Variants in ANO6 observed in about 807,000 individuals in gnomAD.
The protein encoded by ANO6 is anoctamin-6.
Under a neutral mutation model 117.5 loss-of-function variants are expected in ANO6, and 106 were observed. The ratio of observed to expected loss-of-function variants is 0.90; its 90% CI spans 0.77 to 1.06. ANO6 has a LOEUF of 1.06. Among genes scored for constraint, ANO6 ranks in the 50% least tolerant of loss-of-function variants. ANO6 has a pLI of 0.00. For synonymous variants in ANO6, 367 were observed against 385.1 expected (o/e 0.95, Z 0.55); for missense variants, 955 against 1,121.1 (o/e 0.85, Z 2.12).
At chr12:45,327,719 T>C (rs1940518249) in intron 2 of ANO6, among the ~76,000 whole-genome samples, 1 of 152,174 alleles carries the variant, frequency 6.6e-6, no homozygotes, top group Admixed American at 6.6e-5. Context: ...AAGGATGTAC[T>C]CCAAAATTTT....
chr12:45,315,660 T>G (rs955899184), intron 2 of ANO6, among the ~76,000 whole-genome samples: 1 of 152,048 alleles, frequency 6.6e-6, no homozygotes, highest in African/African-American at 2.4e-5. Context: ...TATCCTTTTC[T>G]TAAATCTTTT....
chr12:45,259,149 C>T (rs1237070167), intron 1 of ANO6, among the ~76,000 whole-genome samples: 1 of 152,168 alleles, frequency 6.6e-6, no homozygotes, highest in African/African-American at 2.4e-5. Flanking sequence ...GGAACAAAGG[C>T]AGGATGTTGG....
intron 1 of ANO6, among the ~76,000 whole-genome samples, chr12:45,269,476 G>GT (rs986671255): frequency 2.4e-4 from 37 of 152,332 alleles, no homozygotes; most frequent in African/African-American, 8.7e-4. Flanking sequence ...TGGACATGCT[G>GT]TGTGTATGGG....
At chr12:45,236,642 G>A (rs1947649866) in intron 1 of ANO6, among the ~76,000 whole-genome samples, 1 of 152,164 alleles carries the variant, frequency 6.6e-6, no homozygotes, top group Non-Finnish European at 1.5e-5. Context: ...TGGACATTTG[G>A]GTTGGTTCCA....
chr12:45,344,009 G>A (rs376702824), intron 3 of ANO6, among the ~76,000 whole-genome samples: 6 of 152,122 alleles, frequency 3.9e-5, no homozygotes, highest in African/African-American at 1.4e-4. Context: ...GGGAGACCAC[G>A]AAAAGGAGTG....
chr12:45,389,878 T>C (rs1411770413), intron 11 of ANO6, among the ~76,000 whole-genome samples: 2 of 152,242 alleles, frequency 1.3e-5, no homozygotes, highest in African/African-American at 4.8e-5. Context: ...GCAGCTGTTA[T>C]TAGGCTGCTC....
exon 20 of ANO6, chr12:45,439,675 T>C: frequency 7.9e-7 from 1 of 1,272,102 alleles, no homozygotes; most frequent in Non-Finnish European, 1.0e-6. Context: ...TTTGAGACAG[T>C]ATCTCGCTTT....
At chr12:45,219,259 T>C (rs1486772602) in intron 1 of ANO6, among the ~76,000 whole-genome samples, 2 of 152,198 alleles carry the variant, frequency 1.3e-5, no homozygotes, top group Non-Finnish European at 2.9e-5. Flanking sequence ...TATATGGAAA[T>C]GTGCCCTCTA....
chr12:45,382,949 C>A (rs1269318756), intron 10 of ANO6, among the ~76,000 whole-genome samples: 1 of 152,092 alleles, frequency 6.6e-6, no homozygotes, highest in African/African-American at 2.4e-5. Context: ...TAAAATAAGA[C>A]AACAATGAAG....
intron 19 of ANO6, among the ~76,000 whole-genome samples, chr12:45,424,327 GTTTTTTTTTT>G (rs66945216): frequency 4.9e-5 from 4 of 81,272 alleles, no homozygotes; most frequent in South Asian, 3.8e-4. Context: ...TAGGTGATGG[GTTTTTTTTTT>G]TTTTTTTTTT....
chr12:45,298,965 G>A (rs764921297), intron 1 of ANO6, among the ~76,000 whole-genome samples: 39 of 151,536 alleles, frequency 2.6e-4, no homozygotes, highest in Middle Eastern at 3.4e-3. Flanking sequence ...TCACTCCATC[G>A]GATTTATAAT....
chr12:45,322,879 T>C (rs1940328665), intron 2 of ANO6, among the ~76,000 whole-genome samples: 1 of 152,166 alleles, frequency 6.6e-6, no homozygotes, highest in African/African-American at 2.4e-5. Flanking sequence ...TATGACTTTA[T>C]CCTCCCAAAA....
chr12:45,353,920 TTGAAG>T (rs1941345984), intron 7 of ANO6, among the ~76,000 whole-genome samples: 1 of 142,762 alleles, frequency 7.0e-6, no homozygotes, highest in African/African-American at 3.0e-5. Context: ...AAAAATGAAG[TTGAAG>T]AAATTATGCA....
intron 1 of ANO6, among the ~76,000 whole-genome samples, chr12:45,262,714 G>A (rs1938081736): frequency 6.6e-6 from 1 of 152,136 alleles, no homozygotes; most frequent in African/African-American, 2.4e-5. Context: ...GTGAGCCACT[G>A]CGCCCGGCTT....
chr12:45,430,958 G>A lies in ANO6; in HGVS notation c.*1647G>A. 1 of 985,384 alleles carries A rather than the reference G, an allele frequency of 1.0e-6. No individual in the cohort carries two copies. The highest frequency in any genetic ancestry group is 1.2e-6 in the Non-Finnish European group (1 of 829,918). 61.0% of individuals were successfully genotyped at this position (985,384 alleles called of 1,614,324 possible). On this transcript the variant is annotated 3_prime_UTR_variant, in exon 20 of 20. Transcript: ENST00000320560. ...GAGCCAACCTATCAGAATCCCAGCA[G>A]CAAAGGAAAACTCAGATTTTAGAGG...
chr12:45,233,336 G>A (rs1947601738), intron 1 of ANO6, among the ~76,000 whole-genome samples: 2 of 152,154 alleles, frequency 1.3e-5, no homozygotes, highest in African/African-American at 4.8e-5. Flanking sequence ...GCAAATTAAA[G>A]CTTGCTTTGT....
At chr12:45,375,300 A>G (rs1189082765) in intron 9 of ANO6, among the ~76,000 whole-genome samples, 7 of 152,224 alleles carry the variant, frequency 4.6e-5, no homozygotes, top group South Asian at 2.1e-4. Flanking sequence ...TGCAGATTCA[A>G]TGCCATCCCC....
rs757121451 is a variant in ANO6 at position 45,388,280 on chromosome 12, G to A, written c.1285G>A (p.Val429Ile). ...AGAATACGAAGCACGATGTACTCACGTAGTGATAAATGAGATTACTCAGGT... is the reference window on the plus strand; with the variant it reads ...AGAATACGAAGCACGATGTACTCACATAGTGATAAATGAGATTACTCAGGT... Reference protein sequence around the residue: ...RPEYEARCTHVVINEITQEEE... With the variant: ...RPEYEARCTHIVINEITQEEE... Residue 429 changes from valine to isoleucine, a missense_variant, in exon 11 of 20, where the codon GTA becomes ATA. Physicochemically the swap from Val to Ile is conservative, Grantham distance 29 (BLOSUM62 3). Transcript: ENST00000320560. The A allele has an allele frequency of 1.2e-5, 20 of 1,613,956 alleles. No homozygotes were observed. Among genetic ancestry groups the A allele is most frequent in the South Asian group, 2.2e-5 (2 of 91,074 alleles).
rs535639402 is a variant in ANO6 at position 45,328,833 on chromosome 12, T to C, written c.151-2462T>C. Among the ~76,000 whole-genome samples, 12 of 152,318 alleles carry C rather than the reference T, an allele frequency of 7.9e-5. No homozygotes were observed. The South Asian group carries it at 2.5e-3, about 32-fold the overall frequency. On this transcript the variant is annotated intron_variant, in intron 2 of 19. Coordinates refer to ENST00000320560, the MANE Select transcript of ANO6 (RefSeq NM_001025356.3). ...AAATTGTAGAGAGCCCCATGTTTTTTCCATATTTGCACATCAGTTACAATT... is the reference window on the plus strand; with the variant it reads ...AAATTGTAGAGAGCCCCATGTTTTTCCCATATTTGCACATCAGTTACAATT...
Sources: gnomAD v4.1 joint callset for allele counts (sites outside exome capture counted in the v4.1 genomes callset) on GRCh38, gnomAD v4.1.1 for gene constraint, MANE v1.5 for transcripts, NCBI Gene and HGNC (gene_info 2026-07-23, HGNC 2026-07-21) for gene names.